Variants in TIAM2 observed in about 807,000 individuals in gnomAD.
TIAM2 encodes the protein TIAM Rac1 associated GEF 2, also known as rho guanine nucleotide exchange factor TIAM2.
A neutral mutation model predicts 152.9 loss-of-function variants in TIAM2; 80 were observed. The ratio of observed to expected loss-of-function variants is 0.52; its 90% CI spans 0.44 to 0.63. The LOEUF (loss-of-function observed/expected upper bound fraction) is 0.63, where lower values mean the gene tolerates loss of function less well. TIAM2 is among the 30% of genes least tolerant of loss of function. The pLI, the probability that TIAM2 is intolerant of heterozygous loss-of-function variation, is 0.00. For synonymous variants in TIAM2, 804 were observed against 838.0 expected (o/e 0.96, Z 0.70); for missense variants, 1,965 against 2,120.1 (o/e 0.93, Z 1.44).
intron 15 of TIAM2, among the ~76,000 whole-genome samples, chr6:155,233,148 G>A (rs1229636914): frequency 6.6e-6 from 1 of 152,130 alleles, no homozygotes; most frequent in African/African-American, 2.4e-5. Flanking sequence ...CAAAATTTCA[G>A]GCATAGTCTT....
intron 1 of TIAM2, among the ~76,000 whole-genome samples, chr6:155,000,161 G>A (rs1778289448): frequency 6.6e-6 from 1 of 152,150 alleles, no homozygotes; most frequent in African/African-American, 2.4e-5. Flanking sequence ...GACTTTTGTG[G>A]AATAAGGAAG....
intron 1 of TIAM2, among the ~76,000 whole-genome samples, chr6:155,038,030 CAG>C (rs1776954255): frequency 1.3e-5 from 2 of 152,110 alleles, no homozygotes; most frequent in African/African-American, 2.4e-5. Flanking sequence ...TAGGAGAAAA[CAG>C]AGTTTAAGAT....
chr6:155,136,530 T>TC (rs1779561089), intron 4 of TIAM2, among the ~76,000 whole-genome samples: 1 of 152,084 alleles, frequency 6.6e-6, no homozygotes, highest in African/African-American at 2.4e-5. Context: ...TGCCTCGGCC[T>TC]CCCAAAGTGC....
chr6:155,062,581 C>CT (rs151244455), intron 1 of TIAM2, among the ~76,000 whole-genome samples: 49,688 of 142,648 alleles, frequency 0.35, 9,391 homozygotes, highest in Middle Eastern at 0.49. Flanking sequence ...TTTTCTTTTT[C>CT]TTTTCTTTTT....
chr6:155,032,019 G>T (rs1284862092), intron 1 of TIAM2, among the ~76,000 whole-genome samples: 2 of 152,192 alleles, frequency 1.3e-5, no homozygotes, highest in Non-Finnish European at 2.9e-5. Context: ...GTTCCTGTAA[G>T]TACTGCTTTG....
rs145298060 is a variant in TIAM2 at position 155,223,972 on chromosome 6, C to T, written c.3168+12665C>T. On this transcript the variant is annotated intron_variant, in intron 15 of 26. Coordinates refer to ENST00000682666, the MANE Select transcript of TIAM2 (RefSeq NM_012454.4). ...CTGTGTGGGTGCCTGGAATCTCATC[C>T]GATCTTTAATATTTACCCAGGGGGG... is the stretch of plus-strand genomic sequence containing the variant. Among the ~76,000 whole-genome samples the T allele has an allele frequency of 2.6e-4, 40 of 152,236 alleles. 1 individual carries two copies. The East Asian group carries it at 4.2e-3, about 16-fold the overall frequency.
At chr6:155,146,922 A>G (rs572703579) in intron 6 of TIAM2, among the ~76,000 whole-genome samples, 1 of 152,028 alleles carries the variant, frequency 6.6e-6, no homozygotes, top group African/African-American at 2.4e-5. Context: ...CGCCTGTCCT[A>G]TTATTATTTT....
chr6:155,224,783 AGAG>A (rs1319424766), intron 15 of TIAM2, among the ~76,000 whole-genome samples: 3 of 152,194 alleles, frequency 2.0e-5, no homozygotes, highest in Non-Finnish European at 4.4e-5. Flanking sequence ...AACAGCTGGC[AGAG>A]GAGGAGGCTC....
intron 6 of TIAM2, among the ~76,000 whole-genome samples, chr6:155,147,639 C>T (rs1562332117): frequency 6.6e-6 from 1 of 152,224 alleles, no homozygotes; most frequent in African/African-American, 2.4e-5. Context: ...GCATGCGCCA[C>T]CACGCCCGGC....
chr6:155,210,399 G>A (rs925060779), intron 14 of TIAM2, among the ~76,000 whole-genome samples: 11 of 151,102 alleles, frequency 7.3e-5, no homozygotes, highest in East Asian at 1.9e-4. Context: ...GCTCACTGCC[G>A]CCTCAAACTC....
chr6:155,240,910 A>T (rs1406502247), intron 16 of TIAM2, among the ~76,000 whole-genome samples: 1 of 152,224 alleles, frequency 6.6e-6, no homozygotes, highest in Non-Finnish European at 1.5e-5. Context: ...TCAGAAAAAA[A>T]TTAGATCCTT....
At chr6:155,000,567 C>A (rs954618333) in intron 1 of TIAM2, among the ~76,000 whole-genome samples, 2 of 144,976 alleles carry the variant, frequency 1.4e-5, no homozygotes, top group Non-Finnish European at 3.0e-5. Flanking sequence ...AAAACTGTTA[C>A]GCTCTCAACA....
At chr6:155,120,918 C>G (rs6557403) in intron 2 of TIAM2, among the ~76,000 whole-genome samples, 1 of 152,010 alleles carries the variant, frequency 6.6e-6, no homozygotes, top group Admixed American at 6.5e-5. Context: ...CAGTTCAATG[C>G]GCATTCAGGT....
chr6:155,112,770 G>A (rs1307497887), intron 2 of TIAM2, among the ~76,000 whole-genome samples: 1 of 152,116 alleles, frequency 6.6e-6, no homozygotes, highest in Non-Finnish European at 1.5e-5. Flanking sequence ...ATGGAACAGT[G>A]TGGAATCATC....
rs954859848 is a variant in TIAM2 at position 155,179,274 on chromosome 6, G to A, written c.2629-104G>A. On this transcript the variant is annotated intron_variant, in intron 11 of 26. Coordinates refer to ENST00000682666, the MANE Select transcript of TIAM2 (RefSeq NM_012454.4). The stretch of plus-strand genomic sequence containing the variant: ...GTTTGGAAACAGTCTCTATATAAAC[G>A]GTATCTTAACAGCTTTCTTGTTTTA... 34 of 1,428,740 alleles carry A rather than the reference G, an allele frequency of 2.4e-5. No homozygotes were observed. The East Asian group carries it at 3.2e-4, about 13-fold the overall frequency. 88.5% of individuals were successfully genotyped at this position (1,428,740 alleles called of 1,614,324 possible).
intron 1 of TIAM2, among the ~76,000 whole-genome samples, chr6:155,041,134 C>T (rs888409007): frequency 6.6e-6 from 1 of 152,070 alleles, no homozygotes; most frequent in Admixed American, 6.6e-5. Context: ...TGGACAAAGC[C>T]AGAATTTGGA....
chr6:155,182,085 C>T, intron 12 of TIAM2, 141 bp from the exon 13 acceptor site: 1 of 664,726 alleles, frequency 1.5e-6, no homozygotes, highest in Non-Finnish European at 2.7e-6. Flanking sequence ...GATATTTATA[C>T]TTTCAAAATA....
intron 5 of TIAM2, among the ~76,000 whole-genome samples, chr6:155,139,124 G>T (rs1779627560): frequency 1.3e-5 from 2 of 152,188 alleles, no homozygotes. Flanking sequence ...CCTGTCACAG[G>T]AGAGAGCAGA....
chr6:155,177,117 A>G, intron 10 of TIAM2, 140 bp downstream of exon 10: 1 of 755,454 alleles, frequency 1.3e-6, no homozygotes, highest in South Asian at 2.1e-5. Flanking sequence ...ATTAGTTAAT[A>G]TATTTATTAG....
Sources: allele counts gnomAD v4.1 joint callset (sites outside exome capture counted in the v4.1 genomes callset), GRCh38; gene constraint gnomAD v4.1.1; transcripts MANE v1.5; gene names NCBI Gene and HGNC (gene_info 2026-07-23, HGNC 2026-07-21).